The following SEMA3B variants were observed in gnomAD, a reference collection of about 807,000 sequenced individuals.
SEMA3B encodes semaphorin 3B.
In SEMA3B, 71 loss-of-function variants were observed where a neutral mutation model predicts 77.8. That is an observed-to-expected ratio of 0.91 (90% CI 0.75 to 1.11). The LOEUF is 1.11. Ranked by LOEUF, SEMA3B falls within the 50% of genes most tolerant of loss-of-function variation. The probability of loss-of-function intolerance (pLI) is 0.00; values close to 1 mark genes in which losing one functional copy is unlikely to be tolerated. For missense variants in SEMA3B, 968 were observed against 1,056.8 expected (o/e 0.92, Z 1.17); for synonymous variants, 470 against 452.9 (o/e 1.04, Z -0.48).
chr3:50,270,143 T>C lies in SEMA3B; in HGVS notation c.126T>C (p.His42=). 6.4e-7 allele frequency: 1 copy of C among 1,558,892 alleles called. No individual in the cohort carries two copies. Among genetic ancestry groups the C allele is most frequent in the South Asian group, 1.2e-5 (1 of 84,804 alleles). The stretch of plus-strand genomic sequence containing the variant: ...GCCCTGCAGAGCTCCAGGCCTGGCA[T>C]GGTCTCCAGACTTTCAGCCTGGAGC... ...RLSFQELQAW[H]GLQTFSLERT... Residue 42 remains histidine, a synonymous_variant, in exon 2 of 17, where the codon CAT becomes CAC. Coordinates refer to ENST00000616701, the MANE Select transcript of SEMA3B (RefSeq NM_001290060.2). The surrounding 1 kb of genome is among the most constrained non-coding windows in gnomAD (Gnocchi z 4.7).
chr3:50,266,512 T>C (rs1377897946), upstream of SEMA3B: 1 of 152,226 alleles, frequency 6.6e-6, no homozygotes, highest in Non-Finnish European at 1.5e-5. Context: ...CCCACCTCTG[T>C]CCTTGCTTGG....
chr3:50,264,221 GA>G (rs782225046), upstream of SEMA3B, among the ~76,000 whole-genome samples: 32 of 148,068 alleles, frequency 2.2e-4, no homozygotes, highest in South Asian at 3.7e-3. Context: ...AAAAAAAGAA[GA>G]AAAAAAAAAG....
Position 50,276,102 on chromosome 3 carries a change from T to G in SEMA3B, c.1846-200T>G. 1.3e-6 allele frequency: 1 copy of G among 778,020 alleles called. No individual in the cohort carries two copies. The highest frequency in any genetic ancestry group is 1.9e-6 in the Non-Finnish European group (1 of 524,998). 48.2% of individuals were successfully genotyped at this position (778,020 alleles called of 1,614,324 possible). On this transcript the variant is annotated intron_variant, in intron 16 of 16. Transcript: ENST00000616701. This position sits in a 1 kb window ranked among gnomAD's most constrained non-coding sequence, Gnocchi z 5.8. ...CCCTGACCACCCCCCACCAAGTTCA[T>G]GTAAACCCCGCCTCTTTCGGATTCT...
upstream of SEMA3B, among the ~76,000 whole-genome samples, chr3:50,264,195 G>A (rs2109228859): frequency 6.6e-6 from 1 of 152,018 alleles, no homozygotes; most frequent in East Asian, 1.9e-4. Flanking sequence ...GGGTGACAAA[G>A]CAAGATCCTG....
At position 50,276,944 on chromosome 3, in the gene SEMA3B, G is replaced by C. The variant is rs782302719; in HGVS notation, c.*238G>C. ...AGGTCGGGCGCAGGATTCAGCCGGAGGGAAGGGACGGGGAAGCCGAGCTCC... is the reference window on the plus strand; with the variant it reads ...AGGTCGGGCGCAGGATTCAGCCGGACGGAAGGGACGGGGAAGCCGAGCTCC... On this transcript the variant is annotated 3_prime_UTR_variant, in exon 17 of 17. Transcript: ENST00000616701. This position sits in a 1 kb window ranked among gnomAD's most constrained non-coding sequence, Gnocchi z 5.8. 63 of 478,666 alleles carry C rather than the reference G, an allele frequency of 1.3e-4. No individual in the cohort carries two copies. Among genetic ancestry groups the C allele is most frequent in the Non-Finnish European group, 2.0e-4 (57 of 282,266 alleles). 29.7% of individuals were successfully genotyped at this position (478,666 alleles called of 1,614,324 possible).
rs1553706879 is a variant in SEMA3B, at chr3:50,276,611, C to T, written c.2155C>T (p.Leu719=). The T allele has an allele frequency of 2.5e-6, 4 of 1,588,402 alleles. No homozygotes were observed. Among genetic ancestry groups the T allele is most frequent in the African/African-American group, 2.7e-5 (2 of 74,218 alleles). Residue 719 remains leucine, a synonymous_variant, in exon 17 of 17, where the codon CTG becomes TTG. Coordinates refer to ENST00000616701, the MANE Select transcript of SEMA3B (RefSeq NM_001290060.2). The surrounding 1 kb of genome is among the most constrained non-coding windows in gnomAD (Gnocchi z 5.8). The stretch of plus-strand genomic sequence containing the variant: ...CCGCCCGCAGCCTGCGCTGCAGTCA[C>T]TGCCCCTGGAGTCGCGGAGAAAGGG... ...MCRPQPALQS[L]PLESRRKGRN...
chr3:50,267,566 C>CGGCACGGCG (rs1377687292), upstream of SEMA3B: 3 of 152,256 alleles, frequency 2.0e-5, no homozygotes, highest in Non-Finnish European at 4.4e-5. The surrounding 1 kb of genome is among the most constrained non-coding windows in gnomAD (Gnocchi z 5.7). Flanking sequence ...CTAAACTTTA[C>CGGCACGGCG]GGCACGGCGG....
rs587618273 is a variant in SEMA3B at position 50,270,058 on chromosome 3, C to A, written c.110-69C>A. On this transcript the variant is annotated intron_variant, in intron 1 of 16. Transcript: ENST00000616701. The surrounding 1 kb of genome is among the most constrained non-coding windows in gnomAD (Gnocchi z 4.7). ...ATGGCAACCTTGGCCGATAGAGTCA[C>A]CACCAGGCAGGACCTGGGGGAGGCT... The A allele has an allele frequency of 3.2e-5, 46 of 1,455,028 alleles. No individual in the cohort carries two copies. The African/African-American group carries it at 5.1e-4, about 16-fold the overall frequency. The allele number at this position is 1,455,028 out of a possible 1,614,324, so 90.1% of individuals were successfully genotyped here. A position where few individuals can be genotyped will look rare whatever the true frequency, so the allele number is the denominator to read the frequency against.
At chr3:50,266,281 G>A (rs1700895660), upstream of SEMA3B, among the ~76,000 whole-genome samples, 1 of 152,270 alleles carries the variant, frequency 6.6e-6, no homozygotes, top group South Asian at 2.1e-4. Context: ...AAGGCTAGAG[G>A]CAGCTACTCC....
At position 50,273,795 on chromosome 3, in the gene SEMA3B, C is replaced by T; in HGVS notation, c.959C>T (p.Thr320Ile). 6.3e-7 allele frequency: 1 copy of T among 1,590,136 alleles called. No individual in the cohort carries two copies. The highest frequency in any genetic ancestry group is 8.5e-7 in the Non-Finnish European group (1 of 1,170,048). Residue 320 changes from threonine to isoleucine, a missense_variant, in exon 9 of 17, where the codon ACC (threonine) becomes ATC (isoleucine). Thr to Ile is a moderately conservative substitution (Grantham distance 89). Transcript: ENST00000616701. This position sits in a 1 kb window ranked among gnomAD's most constrained non-coding sequence, Gnocchi z 6.5. ...VFLLSSRDHR[T>I]PLLYAVFSTS... ...CTGTTGTCCTCGCGGGACCACCGGACCCCGCTGCTCTATGCCGTCTTCTCC... is the reference window on the plus strand; with the variant it reads ...CTGTTGTCCTCGCGGGACCACCGGATCCCGCTGCTCTATGCCGTCTTCTCC...
upstream of SEMA3B, among the ~76,000 whole-genome samples, chr3:50,264,241 T>A (rs1222142362): frequency 6.8e-6 from 1 of 146,722 alleles, no homozygotes; most frequent in Non-Finnish European, 1.5e-5. Context: ...AGTACTGGGG[T>A]GAGGGGCACA....
chr3:50,270,731 G>A lies in SEMA3B; in HGVS notation c.331-159G>A. 1 of 1,303,692 alleles carries A rather than the reference G, an allele frequency of 7.7e-7. No individual in the cohort carries two copies. Among genetic ancestry groups the A allele is most frequent in the Non-Finnish European group, 1.0e-6 (1 of 954,376 alleles). The allele number at this position is 1,303,692 out of a possible 1,614,324, so 80.8% of individuals were successfully genotyped here. A position where few individuals can be genotyped will look rare whatever the true frequency, so the allele number is the denominator to read the frequency against. Reference sequence around the variant, plus strand: ...TTCCCCAGACACCCACCCTCGTGAGGCCTGGGCTGGTCAGCAAGGGCCCCC... The same window carrying A: ...TTCCCCAGACACCCACCCTCGTGAGACCTGGGCTGGTCAGCAAGGGCCCCC... On this transcript the variant is annotated intron_variant, in intron 3 of 16. Transcript: ENST00000616701. The surrounding 1 kb of genome is among the most constrained non-coding windows in gnomAD (Gnocchi z 4.7).
chr3:50,268,919 AGAG>A (rs782669498), upstream of SEMA3B: 24 of 430,228 alleles, frequency 5.6e-5, no homozygotes, highest in Non-Finnish European at 9.3e-5. Context: ...TGTATACAAG[AGAG>A]GAGATTACTG....
In SEMA3B at chr3:50,274,310, A is replaced by G; in HGVS notation, c.1138-53A>G. The stretch of plus-strand genomic sequence containing the variant: ...AGAGGCTGGGCATGGAGGGCTGCCT[A>G]TCAAGCCCCCATATCTATATCCCTG... On this transcript the variant is annotated intron_variant, in intron 10 of 16. Transcript: ENST00000616701. The surrounding 1 kb of genome is among the most constrained non-coding windows in gnomAD (Gnocchi z 4.7). 4 of 1,378,062 alleles carry G rather than the reference A, an allele frequency of 2.9e-6. No individual in the cohort carries two copies. The South Asian group carries it at 5.9e-5, about 20-fold the overall frequency. 85.4% of individuals were successfully genotyped at this position (1,378,062 alleles called of 1,614,324 possible).
chr3:50,275,743 G>C lies in SEMA3B; in HGVS notation c.1744G>C (p.Gly582Arg). Residue 582 changes from glycine (G) to arginine (R), a missense_variant, in exon 16 of 17, where the codon GGC becomes CGC. Transcript: ENST00000616701. This position sits in a 1 kb window ranked among gnomAD's most constrained non-coding sequence, Gnocchi z 7.5. The stretch of plus-strand genomic sequence containing the variant: ...CGCGCTGCTGGAACACAAGGTGTTC[G>C]GCGTGGAGGGCAGCAGCGCCTTTCT... Reference protein sequence around the residue: ...RPALLEHKVFGVEGSSAFLEC... With the variant: ...RPALLEHKVFRVEGSSAFLEC... The C allele has an allele frequency of 6.2e-7, 1 of 1,613,248 alleles. No homozygotes were observed. Among genetic ancestry groups the C allele is most frequent in the Non-Finnish European group, 8.5e-7 (1 of 1,179,792 alleles).
At chr3:50,262,690 G>A (rs1463144509), upstream of SEMA3B, among the ~76,000 whole-genome samples, 1 of 152,190 alleles carries the variant, frequency 6.6e-6, no homozygotes, top group Admixed American at 6.5e-5. Flanking sequence ...CACAGTCCCT[G>A]GTGATCTTGG....
Position 50,273,984 on chromosome 3 carries a change from T to C in SEMA3B, c.1064T>C (p.Phe355Ser), listed in dbSNP as rs1701137244. 9 of 1,613,862 alleles carry C rather than the reference T, an allele frequency of 5.6e-6. No homozygotes were observed. Among genetic ancestry groups the C allele is most frequent in the East Asian group, 2.2e-5 (1 of 44,874 alleles). ...GTGCGCCGGGCCTTCTTGGGACCCT[T>C]TGCACACAAGGAGGGGCCCATGCAC... Reference protein sequence around the residue: ...NDVRRAFLGPFAHKEGPMHQW... With the variant: ...NDVRRAFLGPSAHKEGPMHQW... The change falls in exon 10 of 17, where the codon TTT (phenylalanine) becomes TCT (serine). Residue 355 changes from phenylalanine to serine, a missense_variant. Physicochemically the swap from Phe to Ser is radical, Grantham distance 155 (BLOSUM62 -2). Coordinates refer to ENST00000616701, the MANE Select transcript of SEMA3B (RefSeq NM_001290060.2). The surrounding 1 kb of genome is among the most constrained non-coding windows in gnomAD (Gnocchi z 6.5).
upstream of SEMA3B, among the ~76,000 whole-genome samples, chr3:50,264,472 C>T (rs1198401891): frequency 6.6e-6 from 1 of 152,158 alleles, no homozygotes; most frequent in Non-Finnish European, 1.5e-5. Flanking sequence ...GAGGTGCAGA[C>T]TCCAGCTAGG....
rs782540818 is a variant in SEMA3B at position 50,271,160 on chromosome 3, C to T, written c.523C>T (p.Arg175Trp). The part of the protein sequence containing the change: ...KGKSPYDPRH[R>W]AASVLVGEEL... Reference sequence around the variant, plus strand: ...GAAGAGTCCTTATGACCCCAGGCATCGGGCTGCCTCCGTGCTGGTGGGTGA... The same window carrying T: ...GAAGAGTCCTTATGACCCCAGGCATTGGGCTGCCTCCGTGCTGGTGGGTGA... Residue 175 changes from arginine (R) to tryptophan (W), a missense_variant, in exon 5 of 17, where the codon CGG becomes TGG. Arg to Trp is a moderately radical substitution (Grantham distance 101, BLOSUM62 -3). Transcript: ENST00000616701. The T allele has an allele frequency of 7.0e-6, 11 of 1,578,974 alleles. No individual in the cohort carries two copies. Among genetic ancestry groups the T allele is most frequent in the East Asian group, 2.3e-5 (1 of 43,104 alleles).
Sources: gnomAD v4.1 joint callset for allele counts (sites outside exome capture counted in the v4.1 genomes callset) on GRCh38, gnomAD v4.1.1 for gene constraint, Gnocchi (gnomAD v3.1) non-coding constraint, MANE v1.5 for transcripts, NCBI Gene and HGNC (gene_info 2026-07-23, HGNC 2026-07-21) for gene names.